Variants in STARD8 observed in about 807,000 individuals in gnomAD.
The protein encoded by STARD8 is stAR-related lipid transfer protein 8.
Under a neutral mutation model 69.4 loss-of-function variants are expected in STARD8, and 25 were observed. The ratio of observed to expected loss-of-function variants is 0.36; its 90% CI spans 0.26 to 0.50. The LOEUF (loss-of-function observed/expected upper bound fraction) is 0.50, where lower values mean the gene tolerates loss of function less well. Among genes scored for constraint, STARD8 ranks in the 20% least tolerant of loss-of-function variants. STARD8 has a pLI of 0.96. For missense variants in STARD8, 921 were observed against 932.5 expected (o/e 0.99, Z 0.16); for synonymous variants, 389 against 374.6 (o/e 1.04, Z -0.45).
At chrX:68,650,633 C>T (rs1302232502) in intron 1 of STARD8, among the ~76,000 whole-genome samples, 1 of 109,641 alleles carries the variant, frequency 9.1e-6, no homozygotes, top group African/African-American at 3.3e-5. Context: ...AAGACTGTGT[C>T]TCTAGAAAAA....
At chrX:68,651,733 GCA>G (rs2079548972) in intron 1 of STARD8, among the ~76,000 whole-genome samples, 1 of 110,795 alleles carries the variant, frequency 9.0e-6, no homozygotes, top group African/African-American at 3.3e-5. Flanking sequence ...ACACCCACAG[GCA>G]CACATACTAG....
In STARD8 at chrX:68,724,797, T is replaced by C. The variant is rs767281751; in HGVS notation, c.*375T>C. 2 of 144,360 alleles carry C rather than the reference T, an allele frequency of 1.4e-5. No homozygotes were observed. The highest frequency in any genetic ancestry group is 1.7e-4 in the Admixed American group (2 of 12,056). 11.9% of individuals were successfully genotyped at this position (144,360 alleles called of 1,213,427 possible). On this transcript the variant is annotated 3_prime_UTR_variant, in exon 15 of 15. Transcript: ENST00000374599. ...GTCGACAGCAATGTGTGATCCCAGC[T>C]CTCTGCCAGACTGAGAGGGCAAGCC...
In STARD8 at chrX:68,715,292, A is replaced by T. The variant is rs1291228809; in HGVS notation, c.152-2A>T. On this transcript the variant is annotated splice_acceptor_variant, in intron 3 of 14. Coordinates refer to ENST00000374599, the MANE Select transcript of STARD8 (RefSeq NM_001142503.3). LOFTEE classifies it high-confidence loss of function. Reference sequence around the variant, plus strand: ...TCATCTTTGCTTCTCTCTGCCATACAGAAGGTTCGTTTCCCCTGGATATTG... The same window carrying T: ...TCATCTTTGCTTCTCTCTGCCATACTGAAGGTTCGTTTCCCCTGGATATTG... 8.3e-7 allele frequency: 1 copy of T among 1,203,591 alleles called. No individual in the cohort carries two copies. The highest frequency in any genetic ancestry group is 2.2e-5 in the Admixed American group (1 of 45,228).
Position 68,718,566 on chromosome X carries a change from AG to A in STARD8, c.1654del (p.Ala552HisfsTer85). The A allele has an allele frequency of 8.3e-7, 1 of 1,211,734 alleles. No homozygotes were observed. The highest frequency in any genetic ancestry group is 1.1e-6 in the Non-Finnish European group (1 of 895,343). On this transcript the variant is annotated frameshift_variant, in exon 6 of 15. Coordinates refer to ENST00000374599, the MANE Select transcript of STARD8 (RefSeq NM_001142503.3). LOFTEE classifies it high-confidence loss of function. ...AEAAGPLAGLQASMPRERRDS... is the reference protein window; with the variant it reads ...AEAAGPLAGLXASMPRERRDS... ...GCTGCGGGGCCCCTGGCTGGACTCCAGGCATCAATGCCCCGTGAACGGCGCG... is the reference window on the plus strand; with the variant it reads ...GCTGCGGGGCCCCTGGCTGGACTCCAGCATCAATGCCCCGTGAACGGCGCG...
At chrX:68,685,334 T>A (rs1326554048) in intron 2 of STARD8, among the ~76,000 whole-genome samples, 1 of 111,944 alleles carries the variant, frequency 8.9e-6, no homozygotes, top group Non-Finnish European at 1.9e-5. Flanking sequence ...ATTAGGATGT[T>A]GGTCCCTTTA....
In STARD8 at chrX:68,687,321, G is replaced by A. The variant is rs765535224; in HGVS notation, c.79+21789G>A. Among the ~76,000 whole-genome samples, 6 of 110,415 alleles carry A rather than the reference G, an allele frequency of 5.4e-5. No individual in the cohort carries two copies. The East Asian group carries it at 1.7e-3, about 32-fold the overall frequency. On this transcript the variant is annotated intron_variant, in intron 2 of 14. Transcript: ENST00000374599. ...GATCTCCCAAAGTCTCTGGCATTTT[G>A]TCTTTTTAAAAATTGAAAAAAAAGT...
chrX:68,653,347 C>T (rs1322948373), intron 1 of STARD8, among the ~76,000 whole-genome samples: 2 of 57,776 alleles, frequency 3.5e-5, no homozygotes, highest in Non-Finnish European at 6.5e-5. Context: ...ACACCACACA[C>T]ACCCCACACA....
rs539242539 is a variant in STARD8, at chrX:68,674,855, T to C, written c.79+9323T>C. ...TGGAGTGCAGTGGTGCAATCTTGGC[T>C]CCCTGCAACCTCCACCTCCTGGGTT... On this transcript the variant is annotated intron_variant, in intron 2 of 14. Transcript: ENST00000374599. Among the ~76,000 whole-genome samples the C allele has an allele frequency of 1.1e-4, 12 of 109,342 alleles. No homozygotes were observed. The East Asian group carries it at 3.1e-3, about 29-fold the overall frequency. 95.0% of individuals were successfully genotyped at this position (109,342 alleles called of 115,157 possible).
chrX:68,658,208 C>T (rs1282482452), intron 1 of STARD8, among the ~76,000 whole-genome samples: 2 of 112,165 alleles, frequency 1.8e-5, no homozygotes, highest in Non-Finnish European at 3.8e-5. Flanking sequence ...TCGAAACCCT[C>T]CACATATATT....
chrX:68,665,278 G>T (rs2079675958), intron 1 of STARD8, among the ~76,000 whole-genome samples: 1 of 112,232 alleles, frequency 8.9e-6, no homozygotes, highest in South Asian at 3.7e-4. Flanking sequence ...AGCAGGATCA[G>T]CCATGGGGTA....
At chrX:68,723,398 G>A (rs1449199966) in intron 12 of STARD8, among the ~76,000 whole-genome samples, 1 of 112,704 alleles carries the variant, frequency 8.9e-6, no homozygotes. Flanking sequence ...TGTGTGCCCC[G>A]TCATCTCTTT....
chrX:68,673,939 T>A (rs1569356956), intron 2 of STARD8, among the ~76,000 whole-genome samples: 1 of 111,573 alleles, frequency 9.0e-6, no homozygotes, highest in African/African-American at 3.3e-5. Context: ...TCCAAAAAGA[T>A]CTGGAGGCAA....
chrX:68,717,752 G>A lies in STARD8; in HGVS notation c.838G>A (p.Ala280Thr). The A allele has an allele frequency of 3.3e-6, 4 of 1,212,141 alleles. No individual in the cohort carries two copies. The highest frequency in any genetic ancestry group is 1.8e-5 in the South Asian group (1 of 57,018). The change falls in exon 6 of 15, where the codon GCC becomes ACC. Residue 280 changes from alanine (A) to threonine (T), a missense_variant. Physicochemically the swap from Ala to Thr is moderately conservative, Grantham distance 58. Transcript: ENST00000374599. ...SGANTRKAWEAWPVASFRHPQ... is the reference protein window; with the variant it reads ...SGANTRKAWETWPVASFRHPQ... ...TGCCAATACTCGGAAGGCCTGGGAG[G>A]CCTGGCCTGTGGCCTCGTTCCGGCA...
rs1445490990 is a variant in STARD8, at chrX:68,723,978, C to T, written c.3051C>T (p.Cys1017=). Residue 1017 remains cysteine, a synonymous_variant, in exon 14 of 15, where the codon TGC becomes TGT. Coordinates refer to ENST00000374599, the MANE Select transcript of STARD8 (RefSeq NM_001142503.3). ...MWRSDLPRGG[C]LLVSQSLDPE... ...GCTCTGACCTGCCTCGTGGGGGTTG[C>T]CTGCTTGTCTCCCAGTCCCTGGATC... The T allele has an allele frequency of 1.7e-6, 2 of 1,210,697 alleles. No homozygotes were observed. Among genetic ancestry groups the T allele is most frequent in the African/African-American group, 3.5e-5 (2 of 57,374 alleles).
intron 1 of STARD8, among the ~76,000 whole-genome samples, chrX:68,654,054 C>T (rs1052935879): frequency 9.0e-6 from 1 of 111,200 alleles, no homozygotes; most frequent in African/African-American, 3.3e-5. Flanking sequence ...TCCCTCAGTT[C>T]CCTCCTCTTA....
intron 2 of STARD8, among the ~76,000 whole-genome samples, chrX:68,687,721 T>C (rs747133916): frequency 2.7e-5 from 3 of 112,263 alleles, no homozygotes; most frequent in Non-Finnish European, 5.6e-5. Flanking sequence ...AGAGTGACAG[T>C]TGCCTGGCCC....
intron 1 of STARD8, among the ~76,000 whole-genome samples, chrX:68,661,830 A>G (rs1040863559): frequency 9.3e-6 from 1 of 107,967 alleles, no homozygotes; most frequent in Admixed American, 9.9e-5. Context: ...CCAACCCAGA[A>G]CCTTACCACT....
chrX:68,685,888 TA>T (rs34489144), intron 2 of STARD8, among the ~76,000 whole-genome samples: 20,050 of 111,089 alleles, frequency 0.18, 3,378 homozygotes, highest in African/African-American at 0.54. Context: ...CAGGGGGCGG[TA>T]AAGGGAGGCC....
At chrX:68,659,589 G>A (rs994785456) in intron 1 of STARD8, among the ~76,000 whole-genome samples, 9 of 111,688 alleles carry the variant, frequency 8.1e-5, no homozygotes, top group Non-Finnish European at 1.7e-4. Context: ...GCCTCTCCCG[G>A]AAAGACTCTG....
Sources: gnomAD v4.1 joint callset for allele counts (sites outside exome capture counted in the v4.1 genomes callset) on GRCh38, gnomAD v4.1.1 for gene constraint, MANE v1.5 for transcripts, NCBI Gene and HGNC (gene_info 2026-07-23, HGNC 2026-07-21) for gene names.